TLE6: variants seen among roughly 807,000 people sequenced by gnomAD.
The protein encoded by TLE6 is transducin-like enhancer protein 6.
TLE6 carries 72 observed loss-of-function variants against 77.1 expected under a neutral mutation model. The ratio of observed to expected loss-of-function variants is 0.93; its 90% CI spans 0.77 to 1.14. The LOEUF is 1.14. Among genes scored for constraint, TLE6 ranks in the 50% most tolerant of loss-of-function variants. The probability of loss-of-function intolerance (pLI) is 0.00; values close to 1 mark genes in which losing one functional copy is unlikely to be tolerated. For missense variants in TLE6, 843 were observed against 747.6 expected (o/e 1.13, Z -1.49); for synonymous variants, 366 against 287.3 (o/e 1.27, Z -2.77).
At position 2,991,886 on chromosome 19, in the gene TLE6, A is replaced by C; in HGVS notation, c.1288A>C (p.Lys430Gln). 6.2e-7 allele frequency: 1 copy of C among 1,613,888 alleles called. No individual in the cohort carries two copies. The highest frequency in any genetic ancestry group is 8.5e-7 in the Non-Finnish European group (1 of 1,179,972). The change falls in exon 14 of 17, where the codon AAG becomes CAG. Residue 430 changes from lysine (K) to glutamine (Q), a missense_variant. Coordinates refer to ENST00000246112, the MANE Select transcript of TLE6 (RefSeq NM_001143986.2). Reference protein sequence around the residue: ...YPDGVKSIVVKGYNIWTGGPD... With the variant: ...YPDGVKSIVVQGYNIWTGGPD... Reference sequence around the variant, plus strand: ...TGATGGAGTCAAGAGTATCGTGGTCAAGGGCTACAACATCTGGACTGGGGG... The same window carrying C: ...TGATGGAGTCAAGAGTATCGTGGTCCAGGGCTACAACATCTGGACTGGGGG...
intron 3 of TLE6, 44 bp from the exon 4 acceptor site, chr19:2,981,494 T>G (rs2088797007): frequency 6.5e-7 from 1 of 1,547,434 alleles, no homozygotes; most frequent in South Asian, 1.2e-5. Flanking sequence ...GGGGAGGGAG[T>G]CCTGAAGCCA....
chr19:2,992,413 G>A (rs112546799), intron 14 of TLE6, among the ~76,000 whole-genome samples: 3,710 of 152,052 alleles, frequency 0.024, 156 homozygotes, highest in African/African-American at 0.085. Context: ...TGGAGGTTGT[G>A]GTGAGCCGAG....
chr19:2,991,383 T>TACACACAC (rs778438599), intron 13 of TLE6, among the ~76,000 whole-genome samples: 65 of 103,438 alleles, frequency 6.3e-4, no homozygotes, highest in African/African-American at 3.1e-3. Flanking sequence ...TACGTATATA[T>TACACACAC]ATATATATAT....
chr19:2,991,205 C>T (rs1027040005), intron 13 of TLE6, among the ~76,000 whole-genome samples: 2 of 148,046 alleles, frequency 1.4e-5, no homozygotes, highest in African/African-American at 5.0e-5. Context: ...ACTAAAAATA[C>T]AAAATTAGTC....
chr19:2,983,982 C>T (rs1252457730), intron 5 of TLE6: 1 of 152,214 alleles, frequency 6.6e-6, no homozygotes, highest in Non-Finnish European at 1.5e-5. Flanking sequence ...CCTGCCCAGC[C>T]CCCACTGCAG....
At chr19:2,993,661 C>T in intron 15 of TLE6, 79 bp downstream of exon 15, 5 of 1,483,864 alleles carry the variant, frequency 3.4e-6, no homozygotes, top group South Asian at 1.4e-5. Flanking sequence ...GCCAGCTCCC[C>T]ACCCAACCCT....
rs1235451851 is a variant in TLE6, at chr19:2,994,631, C to G, written c.1615-269C>G. Among the ~76,000 whole-genome samples, 10 of 147,714 alleles carry G rather than the reference C, an allele frequency of 6.8e-5. No homozygotes were observed. In the South Asian group the frequency reaches 1.5e-3, roughly 22 times the overall value. ...AAAAAATAATAATAATAATTAAAAA[C>G]ACTTTTAAAATTAAAAATAATAATT... On this transcript the variant is annotated intron_variant, in intron 16 of 16. Coordinates refer to ENST00000246112, the MANE Select transcript of TLE6 (RefSeq NM_001143986.2).
chr19:2,989,630 C>A lies in TLE6; in HGVS notation c.1089C>A (p.Asp363Glu), dbSNP rs761404814. 1 of 1,614,140 alleles carries A rather than the reference C, an allele frequency of 6.2e-7. No homozygotes were observed. The highest frequency in any genetic ancestry group is 8.5e-7 in the Non-Finnish European group (1 of 1,180,020). ...ACCTGGCCAGCGTGAGCGTGTGGGA[C>A]CTGGCGGCGCCCTCCCTGCATGTGA... ...GYNLASVSVW[D>E]LAAPSLHVKE... The change falls in exon 13 of 17, where the codon GAC becomes GAA. Residue 363 changes from aspartate (D) to glutamate (E), a missense_variant. Coordinates refer to ENST00000246112, the MANE Select transcript of TLE6 (RefSeq NM_001143986.2).
intron 10 of TLE6, 36 bp downstream of exon 10, chr19:2,988,010 A>C (rs1354728767): frequency 3.1e-6 from 5 of 1,594,432 alleles, no homozygotes; most frequent in Non-Finnish European, 4.3e-6. Context: ...CCCAGCGTGA[A>C]GGCTGCCCAG....
In TLE6 at chr19:2,987,147, G is replaced by A. The variant is rs770231602; in HGVS notation, c.450G>A (p.Lys150=). The A allele has an allele frequency of 2.5e-6, 4 of 1,613,978 alleles. No homozygotes were observed. Among genetic ancestry groups the A allele is most frequent in the Non-Finnish European group, 3.4e-6 (4 of 1,180,044 alleles). ...NQPETQLFWD[K]EPWFWHDTLT... is the part of the protein sequence containing the mutation. ...CGGAGACCCAGCTGTTCTGGGACAA[G>A]GAGCCTTGGTTTTGGCACGACACTC... Residue 150 remains lysine, a synonymous_variant, in exon 7 of 17, where the codon AAG becomes AAA. Transcript: ENST00000246112.
At position 2,989,762 on chromosome 19, in the gene TLE6, C is replaced by G; in HGVS notation, c.1221C>G (p.Asp407Glu). ...CCAGTGGTGTGGTCAGGATCTGGGA[C>G]CTGCGGGATCAGAGTGTGGTCAGGT... ...SFTSGVVRIW[D>E]LRDQSVVRDL... is the part of the protein sequence containing the mutation. The change falls in exon 13 of 17, where the codon GAC becomes GAG. Residue 407 changes from aspartate (D) to glutamate (E), a missense_variant. Asp to Glu is a conservative substitution (Grantham distance 45). Coordinates refer to ENST00000246112, the MANE Select transcript of TLE6 (RefSeq NM_001143986.2). The G allele has an allele frequency of 6.2e-7, 1 of 1,614,074 alleles. No homozygotes were observed. Among genetic ancestry groups the G allele is most frequent in the Non-Finnish European group, 8.5e-7 (1 of 1,179,964 alleles).
At chr19:2,988,306 G>A (rs961782152) in intron 11 of TLE6, among the ~76,000 whole-genome samples, 178 bp downstream of exon 11, 4 of 152,182 alleles carry the variant, frequency 2.6e-5, no homozygotes, top group Non-Finnish European at 4.4e-5. Flanking sequence ...GTAGAAAAGT[G>A]CAGTGTTAGG....
In TLE6 at chr19:2,993,038, A is replaced by AC. The variant is rs1288063710; in HGVS notation, c.1387-394_1387-393insC. On this transcript the variant is annotated intron_variant, in intron 14 of 16. Coordinates refer to ENST00000246112, the MANE Select transcript of TLE6 (RefSeq NM_001143986.2). ...ACCCCGTCTCTACTAAAAAAAAAAA[A>AC]AAAAAAAAAAAAAAACAGAATAATT... Among the ~76,000 whole-genome samples, 269 of 147,990 alleles carry AC rather than the reference A, an allele frequency of 1.8e-3. 3 individuals carry two copies. The highest frequency in any genetic ancestry group is 6.5e-3 in the African/African-American group (258 of 39,450).
Position 2,989,562 on chromosome 19 carries a change from C to G in TLE6, c.1021C>G (p.Leu341Val). Residue 341 changes from leucine to valine, a missense_variant, in exon 13 of 17, where the codon CTG (leucine) becomes GTG (valine). Physicochemically the swap from Leu to Val is conservative, Grantham distance 32 (BLOSUM62 1). Transcript: ENST00000246112. ...CCCTGGGGCCTTCCTGCGCACCTGC[C>G]TGCTGTCCTCAAACAGCAGGAGCCT... is the stretch of plus-strand genomic sequence containing the variant. ...QTPGAFLRTC[L>V]LSSNSRSLLT... 1.2e-6 allele frequency: 2 copies of G among 1,613,172 alleles called. No individual in the cohort carries two copies. Among genetic ancestry groups the G allele is most frequent in the Non-Finnish European group, 1.7e-6 (2 of 1,179,894 alleles).
At position 2,986,987 on chromosome 19, in the gene TLE6, C is replaced by T. The variant is rs2088925662; in HGVS notation, c.290C>T (p.Ser97Leu). 1 of 1,611,188 alleles carries T rather than the reference C, an allele frequency of 6.2e-7. No individual in the cohort carries two copies. The highest frequency in any genetic ancestry group is 8.5e-7 in the Non-Finnish European group (1 of 1,178,292). The change falls in exon 7 of 17, where the codon TCA (serine) becomes TTA (leucine). Residue 97 changes from serine (S) to leucine (L), a missense_variant. By Grantham distance (145) the Ser-to-Leu change is moderately radical. Transcript: ENST00000246112. ...QLQGFQSEEV[S>L]PAEPASPGTP... is the part of the protein sequence containing the mutation. ...GCCTTGTTCCTGCCGGGCCAGGTCTCACCTGCTGAACCAGCCAGCCCTGGG... is the reference window on the plus strand; with the variant it reads ...GCCTTGTTCCTGCCGGGCCAGGTCTTACCTGCTGAACCAGCCAGCCCTGGG...
At chr19:2,978,942 G>GT (rs1217211469) in intron 2 of TLE6, among the ~76,000 whole-genome samples, 1 of 151,876 alleles carries the variant, frequency 6.6e-6, no homozygotes, top group East Asian at 1.9e-4. Flanking sequence ...GGGATATTTT[G>GT]TTTTGAGACT....
chr19:2,992,105 G>A (rs1249827463), intron 14 of TLE6, 121 bp downstream of exon 14: 3 of 1,212,526 alleles, frequency 2.5e-6, no homozygotes, highest in Non-Finnish European at 3.5e-6. Flanking sequence ...GGAGGCCAAG[G>A]TGGGTGGATC....
Position 2,995,047 on chromosome 19 carries a change from C to CCCCCCCCTT in TLE6, c.*51_*59dup. The stretch of plus-strand genomic sequence containing the variant: ...ATCCCACTCCGGCTCCTCTTTTCAT[C>CCCCCCCCTT]CCCCCCCTTCCCCCCCCCCAACAAG... On this transcript the variant is annotated 3_prime_UTR_variant, in exon 17 of 17. Transcript: ENST00000246112. The CCCCCCCCTT allele has an allele frequency of 1.0e-6, 1 of 977,106 alleles. No individual in the cohort carries two copies. The highest frequency in any genetic ancestry group is 1.4e-6 in the Non-Finnish European group (1 of 696,414). The allele number at this position is 977,106 out of a possible 1,614,324, so 60.5% of individuals were successfully genotyped here. A position where few individuals can be genotyped will look rare whatever the true frequency, so the allele number is the denominator to read the frequency against.
At chr19:2,981,287 G>A (rs117001349) in intron 3 of TLE6, among the ~76,000 whole-genome samples, 1,959 of 151,116 alleles carry the variant, frequency 0.013, 63 homozygotes, top group East Asian at 0.12. Flanking sequence ...TTGAACCCAG[G>A]AGGCGGAGGT....
Sources: gnomAD v4.1 joint callset for allele counts (sites outside exome capture counted in the v4.1 genomes callset) on GRCh38, gnomAD v4.1.1 for gene constraint, MANE v1.5 for transcripts, NCBI Gene and HGNC (gene_info 2026-07-23, HGNC 2026-07-21) for gene names.